Variants in CTNS observed in about 807,000 individuals in gnomAD.
The protein encoded by CTNS is cystinosin, lysosomal cystine transporter, also known as cystinosin.
Under a neutral mutation model 43.7 loss-of-function variants are expected in CTNS, and 27 were observed. The observed-to-expected ratio is 0.62, with a 90% CI of 0.46 to 0.85. CTNS has a LOEUF of 0.85. Among genes scored for constraint, CTNS ranks in the 40% least tolerant of loss-of-function variants. CTNS has a pLI of 0.00. For synonymous variants in CTNS, 187 were observed against 190.6 expected, an observed-to-expected ratio of 0.98 and a Z score of 0.16; for missense variants, 457 against 475.4, an observed-to-expected ratio of 0.96 and a Z score of 0.36.
chr17:3,642,699 A>T (rs2075750235), intron 3 of CTNS, among the ~76,000 whole-genome samples: 1 of 152,120 alleles, frequency 6.6e-6, no homozygotes, highest in Non-Finnish European at 1.5e-5. Flanking sequence ...AAAAGAAAAA[A>T]GGAAAGAAGA....
chr17:3,643,608 A>C (rs2075773618), intron 3 of CTNS, among the ~76,000 whole-genome samples: 1 of 152,052 alleles, frequency 6.6e-6, no homozygotes, highest in African/African-American at 2.4e-5. Context: ...TCAGTTGCAC[A>C]GGCTGGAGTG....
rs1401641942 is a variant in CTNS at position 3,660,929 on chromosome 17, G to A, written c.*560G>A. ...TGTACATAACTCAGCGTCCGTGACT[G>A]CAGTAACAGCCAGCCCTACCCAGAG... On this transcript the variant is annotated 3_prime_UTR_variant, in exon 12 of 12. Coordinates refer to ENST00000046640, the MANE Select transcript of CTNS (RefSeq NM_004937.3). The A allele has an allele frequency of 3.8e-6, 3 of 783,930 alleles. No individual in the cohort carries two copies. The highest frequency in any genetic ancestry group is 6.2e-6 in the Non-Finnish European group (3 of 485,392). The allele number at this position is 783,930 out of a possible 1,614,324, so 48.6% of individuals were successfully genotyped here. A position where few individuals can be genotyped will look rare whatever the true frequency, so the allele number is the denominator to read the frequency against.
At chr17:3,647,916 C>T (rs2075882732) in intron 4 of CTNS, among the ~76,000 whole-genome samples, 1 of 152,234 alleles carries the variant, frequency 6.6e-6, no homozygotes, top group African/African-American at 2.4e-5. Context: ...TCTGAGGTTG[C>T]TTTCAGAAGC....
rs117735806 is a variant in CTNS at position 3,645,945 on chromosome 17, T to A, written c.62-1499T>A. Among the ~76,000 whole-genome samples, 529 of 137,342 alleles carry A rather than the reference T, an allele frequency of 3.9e-3. 3 individuals carry two copies. The highest frequency in any genetic ancestry group is 0.021 in the East Asian group (104 of 4,996). 90.1% of individuals were successfully genotyped at this position (137,342 alleles called of 152,430 possible). A position where few individuals can be genotyped will look rare whatever the true frequency, so the allele number is the denominator to read the frequency against. ...TTCATCTGCCTTTGAGGGGTCTGAG[T>A]GACAGGGTCTGGGTGGGGGGAACTG... On this transcript the variant is annotated intron_variant, in intron 3 of 11. Transcript: ENST00000046640.
At chr17:3,643,954 G>A (rs1265337282) in intron 3 of CTNS, among the ~76,000 whole-genome samples, 1 of 152,146 alleles carries the variant, frequency 6.6e-6, no homozygotes, top group Non-Finnish European at 1.5e-5. Flanking sequence ...TGGGAGGATG[G>A]CTTGAGCCTG....
chr17:3,639,056 T>C (rs966977323), intron 2 of CTNS, among the ~76,000 whole-genome samples: 1 of 152,036 alleles, frequency 6.6e-6, no homozygotes, highest in African/African-American at 2.4e-5. Flanking sequence ...GTAAGGGAGA[T>C]GTCCGGAGAT....
intron 3 of CTNS, among the ~76,000 whole-genome samples, chr17:3,642,536 A>G (rs2075746471): frequency 6.6e-6 from 1 of 152,018 alleles, no homozygotes; most frequent in Non-Finnish European, 1.5e-5. Context: ...AAAAATACAA[A>G]ATTAGCTGGG....
intron 9 of CTNS, among the ~76,000 whole-genome samples, chr17:3,657,180 T>C (rs1229820801): frequency 6.6e-6 from 1 of 151,510 alleles, no homozygotes; most frequent in East Asian, 1.9e-4. Context: ...GTGAAGTTCC[T>C]ATGGAGGAGG....
chr17:3,643,875 T>G (rs1285125209), intron 3 of CTNS, among the ~76,000 whole-genome samples: 1 of 152,124 alleles, frequency 6.6e-6, no homozygotes, highest in Non-Finnish European at 1.5e-5. Flanking sequence ...CCAAAAATTT[T>G]TTTTTAATTA....
At position 3,637,771 on chromosome 17, in the gene CTNS, C is replaced by T. The variant is rs552654066; in HGVS notation, c.-20+455C>T. Among the ~76,000 whole-genome samples the T allele has an allele frequency of 2.0e-5, 3 of 152,240 alleles. No homozygotes were observed. In the South Asian group the frequency reaches 6.2e-4, roughly 32 times the overall value. Reference sequence around the variant, plus strand: ...CGTGAGCCACCGCGCCCAGCCTACCCCCAGCCAATTTTAGTCCCACTTGAC... The same window carrying T: ...CGTGAGCCACCGCGCCCAGCCTACCTCCAGCCAATTTTAGTCCCACTTGAC... On this transcript the variant is annotated intron_variant, in intron 2 of 11. Coordinates refer to ENST00000046640, the MANE Select transcript of CTNS (RefSeq NM_004937.3).
chr17:3,640,541 C>CA (rs1432640629), intron 3 of CTNS, among the ~76,000 whole-genome samples: 1 of 152,216 alleles, frequency 6.6e-6, no homozygotes, highest in Non-Finnish European at 1.5e-5. Context: ...TTCTTAAGGT[C>CA]AGACTATGCA....
chr17:3,658,228 A>G (rs1284266137), intron 10 of CTNS, 53 bp downstream of exon 10: 19 of 1,604,600 alleles, frequency 1.2e-5, no homozygotes, highest in Non-Finnish European at 1.6e-5. Context: ...TGAGAGCTAC[A>G]TGGCCCAGGC....
chr17:3,657,956 G>T, intron 9 of CTNS, 49 bp from the exon 10 acceptor site: 1 of 1,599,428 alleles, frequency 6.3e-7, no homozygotes. Context: ...GCTCAGCCCC[G>T]GCGTGGCCTC....
Position 3,650,022 on chromosome 17 carries a change from T to G in CTNS, c.225+1091T>G, listed in dbSNP as rs559747810. Among the ~76,000 whole-genome samples, 35 of 152,298 alleles carry G rather than the reference T, an allele frequency of 2.3e-4. 1 individual carries two copies. The South Asian group carries it at 6.8e-3, about 30-fold the overall frequency. On this transcript the variant is annotated intron_variant, in intron 5 of 11. Coordinates refer to ENST00000046640, the MANE Select transcript of CTNS (RefSeq NM_004937.3). ...CACCTATAGTCCTAGCTACTCACGT[T>G]CGTAACAACAACAAAAAAAAGATAA...
Position 3,637,272 on chromosome 17 carries a change from T to C in CTNS, c.-64T>C, listed in dbSNP as rs1388074826. On this transcript the variant is annotated 5_prime_UTR_variant, in exon 2 of 12. Transcript: ENST00000046640. ...CTGCCTCTTCCAGTAACATTGAGGA[T>C]TACTGTGTTTTGTGAGAGCTCGCTA... 6.6e-6 allele frequency: 1 copy of C among 152,120 alleles called. No homozygotes were observed. The highest frequency in any genetic ancestry group is 2.4e-5 in the African/African-American group (1 of 41,406). 9.4% of individuals were successfully genotyped at this position (152,120 alleles called of 1,614,324 possible). A position where few individuals can be genotyped will look rare whatever the true frequency, so the allele number is the denominator to read the frequency against.
chr17:3,638,200 A>G (rs1290962581), intron 2 of CTNS, among the ~76,000 whole-genome samples: 4 of 151,848 alleles, frequency 2.6e-5, no homozygotes, highest in Non-Finnish European at 5.9e-5. Context: ...TTCACAAGCC[A>G]CTAGTTGTAT....
chr17:3,652,857 C>T (rs1027711266), intron 5 of CTNS, among the ~76,000 whole-genome samples: 5 of 149,840 alleles, frequency 3.3e-5, no homozygotes, highest in Admixed American at 3.3e-4. Context: ...GAGACGTGGA[C>T]GTAAGTTGGA....
At position 3,657,939 on chromosome 17, in the gene CTNS, C is replaced by A. The variant is rs111526586; in HGVS notation, c.682-66C>A. ...TCTCTAAGCCCGCCCTATCCGGGGCCGTCCTTGCTCAGCCCCGGCGTGGCC... is the reference window on the plus strand; with the variant it reads ...TCTCTAAGCCCGCCCTATCCGGGGCAGTCCTTGCTCAGCCCCGGCGTGGCC... On this transcript the variant is annotated intron_variant, in intron 9 of 11. Transcript: ENST00000046640. 57,490 of 1,580,190 alleles carry A rather than the reference C, an allele frequency of 0.036. 1,359 individuals are homozygous for A. The highest frequency in any genetic ancestry group is 0.077 in the Middle Eastern group (339 of 4,408).
At chr17:3,638,232 T>G (rs1383090916) in intron 2 of CTNS, among the ~76,000 whole-genome samples, 1 of 51,228 alleles carries the variant, frequency 2.0e-5, no homozygotes, top group Non-Finnish European at 5.7e-5. Context: ...TCTGGTTTTT[T>G]TTTTGTTTTT....
Sources: allele counts gnomAD v4.1 joint callset (sites outside exome capture counted in the v4.1 genomes callset), GRCh38; gene constraint gnomAD v4.1.1; transcripts MANE v1.5; gene names NCBI Gene and HGNC (gene_info 2026-07-23, HGNC 2026-07-21).